Variants in SUSD4 observed in about 807,000 individuals in gnomAD.
The protein encoded by SUSD4 is sushi domain-containing protein 4.
In SUSD4, 41 loss-of-function variants were observed where a neutral mutation model predicts 50.5. That is an observed-to-expected ratio of 0.81 (90% confidence interval 0.63 to 1.05). The LOEUF (loss-of-function observed/expected upper bound fraction) is 1.05, where lower values mean the gene tolerates loss of function less well. SUSD4 is among the 50% of genes least tolerant of loss of function. The pLI, the probability that SUSD4 is intolerant of heterozygous loss-of-function variation, is 0.00. For synonymous variants in SUSD4, 257 were observed against 257.3 expected (o/e 1.00, Z 0.01); for missense variants, 580 against 634.7 (o/e 0.91, Z 0.93).
chr1:223,257,558 T>C (rs74145788), intron 5 of SUSD4, among the ~76,000 whole-genome samples: 1,831 of 152,228 alleles, frequency 0.012, 38 homozygotes, highest in African/African-American at 0.041. Context: ...TGGGGTACGG[T>C]GGGTTGGCTT....
chr1:223,255,664 G>C (rs1249874845), intron 5 of SUSD4, among the ~76,000 whole-genome samples: 1 of 152,162 alleles, frequency 6.6e-6, no homozygotes, highest in Non-Finnish European at 1.5e-5. Context: ...TAGAGGAGGC[G>C]AGGGAAGGGC....
In SUSD4 at chr1:223,223,421, T is replaced by C; in HGVS notation, c.1272A>G (p.Pro424=). Reference sequence around the variant, plus strand: ...CGCTGTCACAGGTTTCTGACTCCCCTGGGCCTGTGTCCGTGTCCCCTGAGC... The same window carrying C: ...CGCTGTCACAGGTTTCTGACTCCCCCGGGCCTGTGTCCGTGTCCCCTGAGC... The part of the protein sequence containing the change: ...YPGSGDTDTG[P]GESETCDSVS... The change falls in exon 8 of 9, where the codon CCA becomes CCG. Residue 424 remains proline (P), a synonymous_variant. Coordinates refer to ENST00000366878, the MANE Select transcript of SUSD4 (RefSeq NM_017982.4). 1 of 1,613,960 alleles carries C rather than the reference T, an allele frequency of 6.2e-7. No homozygotes were observed. Among genetic ancestry groups the C allele is most frequent in the Non-Finnish European group, 8.5e-7 (1 of 1,179,910 alleles).
At chr1:223,226,470 A>C (rs1457856619) in intron 7 of SUSD4, among the ~76,000 whole-genome samples, 1 of 152,208 alleles carries the variant, frequency 6.6e-6, no homozygotes, top group Non-Finnish European at 1.5e-5. Flanking sequence ...GAGAATTGCT[A>C]AGTGAGGGAG....
At chr1:223,330,286 A>G (rs1247979397) in intron 2 of SUSD4, among the ~76,000 whole-genome samples, 3 of 152,198 alleles carry the variant, frequency 2.0e-5, no homozygotes, top group African/African-American at 7.2e-5. Flanking sequence ...CAAAACTTGA[A>G]GGGCTAGATT....
rs1010364194 is a variant in SUSD4 at position 223,327,739 on chromosome 1, G to A, written c.149-35088C>T. ...GGCCCCGGCATGGCCCAGGCATAAT[G>A]AGCAAAGCATCTCCTCACCTGGCAC... On this transcript the variant is annotated intron_variant, in intron 2 of 8. Transcript: ENST00000366878. Among the ~76,000 whole-genome samples, 3 of 152,214 alleles carry A rather than the reference G, an allele frequency of 2.0e-5. No homozygotes were observed. In the East Asian group the frequency reaches 5.8e-4, roughly 29 times the overall value.
At chr1:223,255,029 C>T (rs974845938) in intron 5 of SUSD4, among the ~76,000 whole-genome samples, 4 of 152,152 alleles carry the variant, frequency 2.6e-5, no homozygotes, top group Non-Finnish European at 5.9e-5. Context: ...GATAGTAACA[C>T]GAACAGCACC....
intron 2 of SUSD4, among the ~76,000 whole-genome samples, chr1:223,304,546 T>C (rs1015814096): frequency 6.6e-6 from 1 of 151,864 alleles, no homozygotes; most frequent in African/African-American, 2.4e-5. Context: ...ACTAGTTTTA[T>C]TTGTGCATAC....
chr1:223,297,253 C>T (rs1664889273), intron 2 of SUSD4, among the ~76,000 whole-genome samples: 1 of 152,216 alleles, frequency 6.6e-6, no homozygotes, highest in Admixed American at 6.5e-5. Flanking sequence ...TATGTGTGGA[C>T]TGCTCTTTCA....
chr1:223,298,886 TCTGA>T (rs1665009132), intron 2 of SUSD4, among the ~76,000 whole-genome samples: 1 of 152,224 alleles, frequency 6.6e-6, no homozygotes, highest in Non-Finnish European at 1.5e-5. Flanking sequence ...ATAGTTAACC[TCTGA>T]CTGTTTATGT....
At chr1:223,353,989 G>T (rs1370328343) in intron 2 of SUSD4, among the ~76,000 whole-genome samples, 1 of 151,684 alleles carries the variant, frequency 6.6e-6, no homozygotes, top group Admixed American at 6.6e-5. Flanking sequence ...CGAGATCGTG[G>T]CACTGCACTC....
chr1:223,310,390 C>T (rs1358666402), intron 2 of SUSD4, among the ~76,000 whole-genome samples: 11 of 152,256 alleles, frequency 7.2e-5, no homozygotes, highest in African/African-American at 2.6e-4. Context: ...ACATGAGGCA[C>T]CTGAGCCAAA....
intron 8 of SUSD4, 69 bp downstream of exon 8, chr1:223,223,180 G>T (rs1414438990): frequency 6.7e-7 from 1 of 1,495,356 alleles, no homozygotes; most frequent in Non-Finnish European, 8.8e-7. Context: ...GCGTAGCAAG[G>T]AGCTGGCTTG....
intron 2 of SUSD4, among the ~76,000 whole-genome samples, chr1:223,335,245 G>T (rs537545345): frequency 6.6e-6 from 1 of 152,154 alleles, no homozygotes; most frequent in South Asian, 2.1e-4. Context: ...CCCAGTAGTG[G>T]GATTGCTGGA....
intron 2 of SUSD4, among the ~76,000 whole-genome samples, chr1:223,339,596 G>A (rs1433305727): frequency 1.3e-5 from 2 of 152,132 alleles, no homozygotes; most frequent in African/African-American, 4.8e-5. Flanking sequence ...ACTGCAGCAG[G>A]GTTAGCAAAC....
chr1:223,235,435 G>A (rs1457889231), intron 5 of SUSD4, among the ~76,000 whole-genome samples: 1 of 152,100 alleles, frequency 6.6e-6, no homozygotes, highest in African/African-American at 2.4e-5. Flanking sequence ...GGATAAATGT[G>A]TAGTGACATG....
At chr1:223,228,264 C>T (rs758350129) in intron 6 of SUSD4, among the ~76,000 whole-genome samples, 3 of 152,204 alleles carry the variant, frequency 2.0e-5, no homozygotes, top group Non-Finnish European at 4.4e-5. Flanking sequence ...CAGACCTTTC[C>T]AGAAGAGACT....
At chr1:223,244,312 A>T (rs1463831946) in intron 5 of SUSD4, among the ~76,000 whole-genome samples, 1 of 152,226 alleles carries the variant, frequency 6.6e-6, no homozygotes, top group Non-Finnish European at 1.5e-5. Flanking sequence ...CTTCCTCTGC[A>T]ATGGAGATGG....
intron 2 of SUSD4, among the ~76,000 whole-genome samples, chr1:223,312,984 C>T (rs1239364619): frequency 6.6e-6 from 1 of 152,212 alleles, no homozygotes; most frequent in Non-Finnish European, 1.5e-5. Flanking sequence ...TAGAGCTCCA[C>T]TATGTTACAA....
intron 2 of SUSD4, among the ~76,000 whole-genome samples, chr1:223,348,406 C>T (rs1005756944): frequency 2.0e-5 from 3 of 152,228 alleles, no homozygotes; most frequent in Non-Finnish European, 2.9e-5. Context: ...CTGCCTAGCA[C>T]AGTGCCTTGC....
Sources: gnomAD v4.1 joint callset for allele counts (sites outside exome capture counted in the v4.1 genomes callset) on GRCh38, gnomAD v4.1.1 for gene constraint, MANE v1.5 for transcripts, NCBI Gene and HGNC (gene_info 2026-07-23, HGNC 2026-07-21) for gene names.